RPS6KA3: variants seen among roughly 807,000 people sequenced by gnomAD.
RPS6KA3 encodes the protein ribosomal protein S6 kinase alpha-3.
In RPS6KA3, 4 loss-of-function variants were observed where a neutral mutation model predicts 67.2. That is an observed-to-expected ratio of 0.06 (90% confidence interval 0.03 to 0.14). The LOEUF is 0.14. RPS6KA3 is among the 10% of genes least tolerant of loss of function. RPS6KA3 has a pLI of 1.00. For synonymous variants in RPS6KA3, 182 were observed against 183.7 expected, an observed-to-expected ratio of 0.99 and a Z score of 0.07; for missense variants, 204 against 559.0, an observed-to-expected ratio of 0.36 and a Z score of 6.40.
At position 20,167,576 on chromosome X, in the gene RPS6KA3, T is replaced by G. The variant is rs750158064; in HGVS notation, c.1602+13A>C. 1.7e-6 allele frequency: 2 copies of G among 1,202,020 alleles called. No individual in the cohort carries two copies. The highest frequency in any genetic ancestry group is 4.3e-5 in the Admixed American group (2 of 45,988). On this transcript the variant is annotated intron_variant, in intron 17 of 21. Transcript: ENST00000379565. ...GTGTGTGTATGTACATATAGAGTGG[T>G]AAAAAGACTTACCCCTTGTGCGTGA...
intron 17 of RPS6KA3, among the ~76,000 whole-genome samples, chrX:20,165,736 T>C (rs1249549910): frequency 8.9e-6 from 1 of 111,798 alleles, no homozygotes; most frequent in African/African-American, 3.2e-5. Flanking sequence ...AAAACAAATC[T>C]GGACTTTATT....
chrX:20,218,234 TTAACAGAA>T (rs1221108571), intron 2 of RPS6KA3, among the ~76,000 whole-genome samples: 1 of 112,189 alleles, frequency 8.9e-6, no homozygotes, highest in African/African-American at 3.2e-5. Flanking sequence ...TAAGCCCATT[TTAACAGAA>T]TAATTCTTTG....
intron 2 of RPS6KA3, among the ~76,000 whole-genome samples, chrX:20,219,674 G>A (rs1363248732): frequency 9.0e-6 from 1 of 111,289 alleles, no homozygotes; most frequent in Non-Finnish European, 1.9e-5. Context: ...AGAAGGAGGG[G>A]TCAAGCTACC....
chrX:20,163,666 TTTA>T (rs752235708), intron 18 of RPS6KA3, among the ~76,000 whole-genome samples: 3 of 109,288 alleles, frequency 2.7e-5, no homozygotes, highest in African/African-American at 9.9e-5. Context: ...GCAAGACCTC[TTTA>T]TTATTATTAT....
intron 18 of RPS6KA3, among the ~76,000 whole-genome samples, chrX:20,163,336 C>T: frequency 9.0e-6 from 1 of 110,983 alleles, no homozygotes; most frequent in Non-Finnish European, 1.9e-5. Flanking sequence ...TTTGGGGCTA[C>T]AGAAATATTT....
At chrX:20,260,421 TTTCCTTTC>T (rs1163527234) in intron 1 of RPS6KA3, among the ~76,000 whole-genome samples, 6 of 111,985 alleles carry the variant, frequency 5.4e-5, no homozygotes, top group Non-Finnish European at 1.1e-4. Flanking sequence ...GTGAACAAAC[TTTCCTTTC>T]TTCCTTCTTC....
At chrX:20,198,071 T>C (rs929711258) in intron 4 of RPS6KA3, among the ~76,000 whole-genome samples, 2 of 112,246 alleles carry the variant, frequency 1.8e-5, no homozygotes, top group Admixed American at 9.5e-5. Flanking sequence ...TCTAATGTTA[T>C]TGACTTGTAT....
intron 2 of RPS6KA3, among the ~76,000 whole-genome samples, chrX:20,215,166 T>G (rs1464723030): frequency 2.7e-5 from 3 of 111,463 alleles, no homozygotes; most frequent in Non-Finnish European, 5.6e-5. Flanking sequence ...ACTAAATTTT[T>G]TATCCTGGCA....
At chrX:20,172,716 T>A (rs1445474548) in intron 15 of RPS6KA3, 30 bp downstream of exon 15, 1 of 1,139,581 alleles carries the variant, frequency 8.8e-7, no homozygotes, top group Admixed American at 2.6e-5. Context: ...AAGAACTGTA[T>A]GAATTGCATT....
chrX:20,184,702 A>G (rs2067934330), intron 10 of RPS6KA3, among the ~76,000 whole-genome samples: 1 of 111,383 alleles, frequency 9.0e-6, no homozygotes, highest in Non-Finnish European at 1.9e-5. Context: ...ATGAGCCACC[A>G]TGCCTGGCTG....
At chrX:20,226,973 A>G (rs1336284380) in intron 2 of RPS6KA3, among the ~76,000 whole-genome samples, 1 of 111,992 alleles carries the variant, frequency 8.9e-6, no homozygotes, top group Admixed American at 9.5e-5. Context: ...CTTTAGTTAC[A>G]TCTCTTGTGT....
chrX:20,199,144 A>G (rs2068354857), intron 4 of RPS6KA3, among the ~76,000 whole-genome samples: 1 of 112,230 alleles, frequency 8.9e-6, no homozygotes, highest in Admixed American at 9.4e-5. Flanking sequence ...TGCTGGGATT[A>G]CAGGCGTGAG....
intron 7 of RPS6KA3, among the ~76,000 whole-genome samples, chrX:20,189,069 T>C (rs1369590577): frequency 8.9e-6 from 1 of 112,221 alleles, no homozygotes; most frequent in African/African-American, 3.2e-5. Context: ...TGTGAGCCAC[T>C]GCGTGCCCAG....
chrX:20,153,466 G>A lies in RPS6KA3; in HGVS notation c.*1932C>T, dbSNP rs1393791697. ...TTGCATAGAGGAGAAATTAAGGAAT[G>A]ACAAGTGGATTTCAGGACATTTAGA... On this transcript the variant is annotated 3_prime_UTR_variant, in exon 22 of 22. Coordinates refer to ENST00000379565, the MANE Select transcript of RPS6KA3 (RefSeq NM_004586.3). 1 of 111,580 alleles carries A rather than the reference G, an allele frequency of 9.0e-6. No homozygotes were observed. The highest frequency in any genetic ancestry group is 1.9e-5 in the Non-Finnish European group (1 of 53,104). The allele number at this position is 111,580 out of a possible 1,213,427, so 9.2% of individuals were successfully genotyped here.
At chrX:20,170,193 C>A (rs988362603) in intron 15 of RPS6KA3, among the ~76,000 whole-genome samples, 1 of 112,078 alleles carries the variant, frequency 8.9e-6, no homozygotes, top group Non-Finnish European at 1.9e-5. Context: ...ATGTTTTAAT[C>A]TGCTCAACTA....
At chrX:20,259,302 C>T (rs1311319960) in intron 1 of RPS6KA3, among the ~76,000 whole-genome samples, 4 of 111,337 alleles carry the variant, frequency 3.6e-5, no homozygotes, top group African/African-American at 1.3e-4. Flanking sequence ...TTTTAAACTA[C>T]AAATATTAGA....
chrX:20,258,700 G>A (rs1231094436), intron 1 of RPS6KA3, among the ~76,000 whole-genome samples: 1 of 112,114 alleles, frequency 8.9e-6, no homozygotes, highest in Admixed American at 9.4e-5. Context: ...AGTTATATAA[G>A]AGACCATGGA....
chrX:20,222,537 C>A (rs2069010186), intron 2 of RPS6KA3, among the ~76,000 whole-genome samples: 1 of 111,823 alleles, frequency 8.9e-6, no homozygotes, highest in African/African-American at 3.2e-5. Context: ...TCTATTTCCT[C>A]TGCCATTCCC....
rs1603425359 is a variant in RPS6KA3, at chrX:20,187,940, T to C, written c.662A>G (p.His221Arg). 8.3e-7 allele frequency: 1 copy of C among 1,207,245 alleles called. No homozygotes were observed. The highest frequency in any genetic ancestry group is 1.1e-6 in the Non-Finnish European group (1 of 891,078). The change falls in exon 9 of 22, where the codon CAT becomes CGT. Residue 221 changes from histidine to arginine, a missense_variant. Around this residue, in one of 4 missense-constraint regions of RPS6KA3, gnomAD observed 76 missense variants for 250.3 expected, o/e 0.30. Coordinates refer to ENST00000379565, the MANE Select transcript of RPS6KA3 (RefSeq NM_004586.3). ...DFGLSKESID[H>R]EKKAYSFCGT... is the part of the protein sequence containing the mutation. The stretch of plus-strand genomic sequence containing the variant: ...ACAAAAAGAATATGCCTTCTTTTCA[T>C]GGTCAATAGACTCTTTACTTAGGCC...
Sources: gnomAD v4.1 joint callset for allele counts (sites outside exome capture counted in the v4.1 genomes callset) on GRCh38, gnomAD v4.1.1 for gene constraint, gnomAD v4.1.1 regional missense constraint, MANE v1.5 for transcripts, NCBI Gene and HGNC (gene_info 2026-07-23, HGNC 2026-07-21) for gene names.